The following ARHGAP10 variants were observed in gnomAD, a reference collection of about 807,000 sequenced individuals.
ARHGAP10 encodes the protein Rho GTPase activating protein 10, also known as rho GTPase-activating protein 10.
ARHGAP10 carries 87 observed loss-of-function variants against 108.6 expected under a neutral mutation model. The observed-to-expected ratio is 0.80, with a 90% CI of 0.67 to 0.96. The LOEUF is 0.96. Ranked by LOEUF, ARHGAP10 falls within the 40% of genes least tolerant of loss-of-function variation. ARHGAP10 has a pLI of 0.00. For synonymous variants in ARHGAP10, 347 were observed against 341.1 expected, an observed-to-expected ratio of 1.02 and a Z score of -0.19; for missense variants, 939 against 954.5, an observed-to-expected ratio of 0.98 and a Z score of 0.21.
chr4:147,997,276 A>G (rs559570616), intron 18 of ARHGAP10, among the ~76,000 whole-genome samples: 9 of 152,390 alleles, frequency 5.9e-5, no homozygotes, highest in African/African-American at 1.9e-4. Context: ...CTGTACATCA[A>G]TAATCTATTT....
At chr4:147,844,334 A>C (rs1047461699) in intron 3 of ARHGAP10, among the ~76,000 whole-genome samples, 2 of 152,172 alleles carry the variant, frequency 1.3e-5, no homozygotes, top group Non-Finnish European at 2.9e-5. Flanking sequence ...CCTTTGTGTT[A>C]CAATCTAACT....
intron 19 of ARHGAP10, among the ~76,000 whole-genome samples, chr4:148,027,618 C>T (rs1023030357): frequency 6.6e-6 from 1 of 152,132 alleles, no homozygotes; most frequent in Non-Finnish European, 1.5e-5. Context: ...AGGTGAGTCT[C>T]TAAAATCAGA....
chr4:147,879,759 T>C (rs1312562457), intron 9 of ARHGAP10, among the ~76,000 whole-genome samples: 2 of 152,124 alleles, frequency 1.3e-5, no homozygotes, highest in Non-Finnish European at 2.9e-5. Context: ...GTGTTCTCAT[T>C]GTCAGCTCCC....
intron 1 of ARHGAP10, among the ~76,000 whole-genome samples, chr4:147,800,217 G>A (rs1731521620): frequency 6.6e-6 from 1 of 152,212 alleles, no homozygotes; most frequent in Non-Finnish European, 1.5e-5. Context: ...GAGACTGAGG[G>A]ACTTTCCTGA....
chr4:147,906,657 A>G lies in ARHGAP10; in HGVS notation c.1054A>G (p.Met352Val), dbSNP rs563860915. ...AADRPGVSLT[M>V]QAFSEEERKQ... is the part of the protein sequence containing the mutation. ...TTTCAGGCCTGGCGTTTCCTTGACC[A>G]TGCAGGCATTTTCCGAAGAGGAAAG... Residue 352 changes from methionine to valine, a missense_variant, in exon 11 of 23, where the codon ATG becomes GTG. Met to Val is a conservative substitution (Grantham distance 21). Coordinates refer to ENST00000336498, the MANE Select transcript of ARHGAP10 (RefSeq NM_024605.4). The G allele has an allele frequency of 5.0e-6, 8 of 1,614,190 alleles. No homozygotes were observed. In the South Asian group the frequency reaches 6.6e-5, roughly 13 times the overall value.
chr4:147,902,213 C>G (rs1351981569), intron 10 of ARHGAP10, among the ~76,000 whole-genome samples: 1 of 152,120 alleles, frequency 6.6e-6, no homozygotes, highest in Non-Finnish European at 1.5e-5. Context: ...TTGTATCATC[C>G]TTTTAGTCTT....
At chr4:148,034,869 A>AT (rs913330327) in intron 19 of ARHGAP10, among the ~76,000 whole-genome samples, 2 of 152,158 alleles carry the variant, frequency 1.3e-5, no homozygotes, top group Non-Finnish European at 2.9e-5. Context: ...TGGCTGTTAT[A>AT]TTTTTTGTTT....
In ARHGAP10 at chr4:147,870,561, AC is replaced by A. The variant is rs1475573391; in HGVS notation, c.702+3746del. Among the ~76,000 whole-genome samples, 11 of 38,616 alleles carry A rather than the reference AC, an allele frequency of 2.8e-4. No individual in the cohort carries two copies. The East Asian group carries it at 4.2e-3, about 15-fold the overall frequency. The allele number at this position is 38,616 out of a possible 152,430, so 25.3% of individuals were successfully genotyped here. ...CCTATTGTATTGTAAAAGTGGCTAG[AC>A]TTTTTTTTTTTTTTTGAGAAATTGA... On this transcript the variant is annotated intron_variant, in intron 7 of 22. Transcript: ENST00000336498.
chr4:148,002,583 A>G (rs986854863), intron 18 of ARHGAP10, among the ~76,000 whole-genome samples: 4 of 152,086 alleles, frequency 2.6e-5, no homozygotes, highest in Non-Finnish European at 5.9e-5. Flanking sequence ...TATTGCTTCA[A>G]TTTCAGAGCC....
At chr4:147,826,191 ATTCTGT>A (rs1732703154) in intron 3 of ARHGAP10, among the ~76,000 whole-genome samples, 1 of 152,204 alleles carries the variant, frequency 6.6e-6, no homozygotes, top group Admixed American at 6.5e-5. Context: ...TAGGCTCAGT[ATTCTGT>A]TTCTGTTTTA....
intron 1 of ARHGAP10, among the ~76,000 whole-genome samples, chr4:147,746,394 G>A (rs1240736300): frequency 5.4e-5 from 8 of 147,688 alleles, no homozygotes; most frequent in Non-Finnish European, 7.4e-5. Context: ...GAGTCACTGC[G>A]CCAGGCCTGC....
At chr4:147,737,171 A>G (rs1029946879) in intron 1 of ARHGAP10, among the ~76,000 whole-genome samples, 2 of 152,012 alleles carry the variant, frequency 1.3e-5, no homozygotes, top group Non-Finnish European at 2.9e-5. Context: ...TTTATTTGAG[A>G]TGTGAGTCTC....
chr4:148,033,619 G>A (rs758706041), intron 19 of ARHGAP10, among the ~76,000 whole-genome samples: 6 of 151,988 alleles, frequency 3.9e-5, no homozygotes, highest in East Asian at 3.9e-4. Context: ...CACACATACC[G>A]CATACATTTA....
At chr4:147,843,448 G>T (rs151163533) in intron 3 of ARHGAP10, among the ~76,000 whole-genome samples, 1 of 149,738 alleles carries the variant, frequency 6.7e-6, no homozygotes, top group Admixed American at 6.6e-5. Flanking sequence ...CTGCCACCTT[G>T]CCATGGATAT....
At chr4:147,949,644 T>C (rs145478033) in intron 15 of ARHGAP10, among the ~76,000 whole-genome samples, 136 of 145,746 alleles carry the variant, frequency 9.3e-4, no homozygotes, top group African/African-American at 2.9e-3. Context: ...AAAGAGTAGG[T>C]AAGGGATATA....
chr4:147,777,066 A>G (rs1420993128), intron 1 of ARHGAP10, among the ~76,000 whole-genome samples: 1 of 152,152 alleles, frequency 6.6e-6, no homozygotes, highest in Non-Finnish European at 1.5e-5. Context: ...TGCTATGCTG[A>G]TAGCTGTTAC....
chr4:148,032,834 G>A (rs1412552685), intron 19 of ARHGAP10, among the ~76,000 whole-genome samples: 1 of 152,118 alleles, frequency 6.6e-6, no homozygotes, highest in Admixed American at 6.5e-5. Flanking sequence ...GAAGAACTTG[G>A]ACTCTCATGT....
chr4:148,049,944 T>C (rs1729058874), intron 20 of ARHGAP10, among the ~76,000 whole-genome samples: 1 of 151,984 alleles, frequency 6.6e-6, no homozygotes, highest in Non-Finnish European at 1.5e-5. Flanking sequence ...CTCGGCTCAC[T>C]GCAACCTCCG....
intron 18 of ARHGAP10, among the ~76,000 whole-genome samples, chr4:147,980,882 G>T (rs753091421): frequency 6.6e-6 from 1 of 152,030 alleles, no homozygotes; most frequent in Non-Finnish European, 1.5e-5. Flanking sequence ...CTGTGGTATC[G>T]GTTGTTATGT....
Sources: gnomAD v4.1 joint callset for allele counts (sites outside exome capture counted in the v4.1 genomes callset) on GRCh38, gnomAD v4.1.1 for gene constraint, MANE v1.5 for transcripts, NCBI Gene and HGNC (gene_info 2026-07-23, HGNC 2026-07-21) for gene names.